The following MS4A3 variants were observed in gnomAD, a reference collection of about 807,000 sequenced individuals.
The protein encoded by MS4A3 is membrane-spanning 4-domains subfamily A member 3.
MS4A3 carries 18 observed loss-of-function variants against 24.7 expected under a neutral mutation model. The ratio of observed to expected loss-of-function variants is 0.73; its 90% CI spans 0.50 to 1.08. MS4A3 has a LOEUF of 1.08. Ranked by LOEUF, MS4A3 falls within the 50% of genes least tolerant of loss-of-function variation. The pLI, the probability that MS4A3 is intolerant of heterozygous loss-of-function variation, is 0.00. For missense variants in MS4A3, 282 were observed against 251.7 expected (o/e 1.12, Z -0.82); for synonymous variants, 84 against 95.3 (o/e 0.88, Z 0.69).
chr11:60,060,870 A>G (rs1308981742), intron 1 of MS4A3: 2 of 221,124 alleles, frequency 9.0e-6, no homozygotes, highest in African/African-American at 4.6e-5. Context: ...CAGGGACTAT[A>G]TATCAGTGCA....
chr11:60,069,491 T>C, intron 5 of MS4A3, 83 bp from the exon 6 acceptor site: 1 of 852,704 alleles, frequency 1.2e-6, no homozygotes, highest in Non-Finnish European at 2.0e-6. Context: ...AGGGAGATGT[T>C]GTAGTCTGGT....
chr11:60,066,258 T>C (rs866267185), intron 4 of MS4A3, among the ~76,000 whole-genome samples: 141 of 152,374 alleles, frequency 9.3e-4, no homozygotes, highest in African/African-American at 3.3e-3. Flanking sequence ...CTAATTGGGC[T>C]TCTAGCTTTT....
chr11:60,063,046 G>T (rs1413911005), intron 3 of MS4A3, among the ~76,000 whole-genome samples: 2 of 152,084 alleles, frequency 1.3e-5, no homozygotes. Context: ...GGTCCTCCCA[G>T]CTTGGCCTCC....
intron 5 of MS4A3, among the ~76,000 whole-genome samples, chr11:60,069,004 A>C (rs1855426515): frequency 6.6e-6 from 1 of 151,966 alleles, no homozygotes; most frequent in South Asian, 2.1e-4. Flanking sequence ...ATCTAAATTT[A>C]TATTTGTCGG....
chr11:60,069,437 G>A, intron 5 of MS4A3, 137 bp from the exon 6 acceptor site: 2 of 641,468 alleles, frequency 3.1e-6, no homozygotes, highest in Non-Finnish European at 5.6e-6. Context: ...TGTTATATGT[G>A]TCTCTGTCTT....
Position 60,069,692 on chromosome 11 carries a change from G to T in MS4A3, c.615+17G>T. 1 of 1,572,844 alleles carries T rather than the reference G, an allele frequency of 6.4e-7. No homozygotes were observed. The highest frequency in any genetic ancestry group is 1.1e-5 in the South Asian group (1 of 90,044). On this transcript the variant is annotated intron_variant, in intron 6 of 6. Coordinates refer to ENST00000278865, the MANE Select transcript of MS4A3 (RefSeq NM_006138.5). ...TCAAGAGAGGTGAGATTTTTCAAAT[G>T]ATTAATCATTCACATGATCTCAAAG...
At chr11:60,060,691 T>C (rs1446982779) in intron 1 of MS4A3, among the ~76,000 whole-genome samples, 1 of 152,122 alleles carries the variant, frequency 6.6e-6, no homozygotes, top group African/African-American at 2.4e-5. Flanking sequence ...GGATTAAGTA[T>C]ATTAATACAT....
intron 1 of MS4A3, among the ~76,000 whole-genome samples, chr11:60,060,488 G>A (rs562790989): frequency 6.6e-6 from 1 of 152,020 alleles, no homozygotes; most frequent in Non-Finnish European, 1.5e-5. Flanking sequence ...ATGCTATGTT[G>A]GTACTCAGAA....
intron 3 of MS4A3, among the ~76,000 whole-genome samples, chr11:60,062,831 T>G (rs910592729): frequency 1.3e-5 from 2 of 152,162 alleles, no homozygotes; most frequent in Middle Eastern, 6.3e-3. Flanking sequence ...CGATCTGCCA[T>G]CCAGGCTGGA....
At chr11:60,064,519 T>C (rs534642210) in intron 4 of MS4A3, among the ~76,000 whole-genome samples, 1 of 152,322 alleles carries the variant, frequency 6.6e-6, no homozygotes, top group Admixed American at 6.5e-5. Context: ...ATGCTTGCTC[T>C]TAATATTGGT....
intron 2 of MS4A3, 69 bp from the exon 3 acceptor site, chr11:60,062,399 A>T: frequency 6.3e-7 from 1 of 1,578,192 alleles, no homozygotes; most frequent in Non-Finnish European, 8.7e-7. Flanking sequence ...GAGGAAAATT[A>T]AAATGGCCTG....
Position 60,070,008 on chromosome 11 carries a change from G to A in MS4A3, c.616-196G>A, listed in dbSNP as rs150296094. ...TTTCTAAATTTTAGATATATTAACT[G>A]TAAAATGAAAATAATATTTTCATTC... On this transcript the variant is annotated intron_variant, in intron 6 of 6. Coordinates refer to ENST00000278865, the MANE Select transcript of MS4A3 (RefSeq NM_006138.5). 3.0e-3 allele frequency among the ~76,000 whole-genome samples: 455 copies of A among 152,238 alleles called. 4 individuals carry two copies. The highest frequency in any genetic ancestry group is 1.0e-2 in the African/African-American group (415 of 41,536).
At chr11:60,064,409 G>C (rs1419633100) in intron 4 of MS4A3, 91 bp downstream of exon 4, 2 of 853,238 alleles carry the variant, frequency 2.3e-6, no homozygotes, top group Non-Finnish European at 1.8e-6. Context: ...GAATACAACT[G>C]AGACACTGAG....
chr11:60,062,495 A>T lies in MS4A3; in HGVS notation c.184A>T (p.Ile62Phe), dbSNP rs1855292615. ...GAIQILNAAM[I>F]LALGVFLGSL... is the part of the protein sequence containing the mutation. ...CATCCAGATCCTGAATGCAGCAATGATTCTGGCTTTGGGTGTCTTTCTGGG... is the reference window on the plus strand; with the variant it reads ...CATCCAGATCCTGAATGCAGCAATGTTTCTGGCTTTGGGTGTCTTTCTGGG... The change falls in exon 3 of 7, where the codon ATT (isoleucine) becomes TTT (phenylalanine). Residue 62 changes from isoleucine (I) to phenylalanine (F), a missense_variant. Coordinates refer to ENST00000278865, the MANE Select transcript of MS4A3 (RefSeq NM_006138.5). 1.2e-6 allele frequency: 2 copies of T among 1,613,908 alleles called. No homozygotes were observed. Among genetic ancestry groups the T allele is most frequent in the African/African-American group, 2.7e-5 (2 of 74,868 alleles).
At chr11:60,062,697 T>A in intron 3 of MS4A3, 92 bp downstream of exon 3, 1 of 1,449,076 alleles carries the variant, frequency 6.9e-7, no homozygotes, top group Non-Finnish European at 9.4e-7. Context: ...TGTAGGTTAT[T>A]GGAAGGTTGC....
chr11:60,066,485 G>A (rs562699593), intron 4 of MS4A3, among the ~76,000 whole-genome samples: 3 of 151,892 alleles, frequency 2.0e-5, no homozygotes, highest in Non-Finnish European at 2.9e-5. Flanking sequence ...TGCCTCCAAC[G>A]CCCTTGACCC....
rs144899412 is a variant in MS4A3 at position 60,070,631 on chromosome 11, G to A, written c.*398G>A. On this transcript the variant is annotated 3_prime_UTR_variant, in exon 7 of 7. Transcript: ENST00000278865. The stretch of plus-strand genomic sequence containing the variant: ...TTTTTCTAAAATCCAACTTCTGACC[G>A]CCCAGTAGGAAGAAAAATGAGACAT... The A allele has an allele frequency of 1.9e-3, 301 of 158,246 alleles. No homozygotes were observed. The highest frequency in any genetic ancestry group is 6.6e-3 in the African/African-American group (275 of 41,786). 9.8% of individuals were successfully genotyped at this position (158,246 alleles called of 1,614,324 possible).
At chr11:60,060,895 G>A (rs1855261389) in intron 1 of MS4A3, 1 of 284,706 alleles carries the variant, frequency 3.5e-6, no homozygotes, top group Non-Finnish European at 6.5e-6. Context: ...AAATGAGAAA[G>A]AAATTGCTCT....
At chr11:60,061,386 G>A (rs965551775) in intron 2 of MS4A3, 70 bp downstream of exon 2, 18 of 1,524,748 alleles carry the variant, frequency 1.2e-5, no homozygotes, top group African/African-American at 8.3e-5. Context: ...TGTGAATAAC[G>A]TGCGTTTGAA....
Sources: allele counts gnomAD v4.1 joint callset (sites outside exome capture counted in the v4.1 genomes callset), GRCh38; gene constraint gnomAD v4.1.1; transcripts MANE v1.5; gene names NCBI Gene and HGNC (gene_info 2026-07-23, HGNC 2026-07-21).